Variants in PCNX4 observed in about 807,000 individuals in gnomAD.
PCNX4 encodes pecanex 4.
Under a neutral mutation model 107.2 loss-of-function variants are expected in PCNX4, and 103 were observed. The ratio of observed to expected loss-of-function variants is 0.96; its 90% CI spans 0.82 to 1.13. The LOEUF (loss-of-function observed/expected upper bound fraction) is 1.13, where lower values mean the gene tolerates loss of function less well. Ranked by LOEUF, PCNX4 falls within the 50% of genes most tolerant of loss-of-function variation. The pLI, the probability that PCNX4 is intolerant of heterozygous loss-of-function variation, is 0.00. For missense variants in PCNX4, 1,528 were observed against 1,379.4 expected (o/e 1.11, Z -1.71); for synonymous variants, 541 against 481.7 (o/e 1.12, Z -1.61).
chr14:60,093,366 T>G (rs529275281), intron 1 of PCNX4, among the ~76,000 whole-genome samples: 1 of 152,296 alleles, frequency 6.6e-6, no homozygotes, highest in East Asian at 1.9e-4. Flanking sequence ...CCCATTATCC[T>G]TACCCCACCA....
intron 4 of PCNX4, 39 bp downstream of exon 4, chr14:60,115,500 A>G: frequency 6.7e-7 from 1 of 1,500,110 alleles, no homozygotes; most frequent in Non-Finnish European, 8.8e-7. Flanking sequence ...GTTACAAATC[A>G]TATCCTGGAA....
intron 2 of PCNX4, among the ~76,000 whole-genome samples, chr14:60,113,626 C>A (rs1412423617): frequency 6.6e-6 from 1 of 152,124 alleles, no homozygotes; most frequent in Non-Finnish European, 1.5e-5. Context: ...GCCTTGGCCT[C>A]CCAAAGTGCT....
chr14:60,121,571 G>A (rs970493847), intron 8 of PCNX4, among the ~76,000 whole-genome samples: 24 of 142,852 alleles, frequency 1.7e-4, no homozygotes, highest in African/African-American at 6.4e-4. Flanking sequence ...CATCTCAAAA[G>A]TGTGAATCAG....
At chr14:60,131,831 G>T (rs1296529819) in intron 10 of PCNX4, among the ~76,000 whole-genome samples, 1 of 152,162 alleles carries the variant, frequency 6.6e-6, no homozygotes, top group African/African-American at 2.4e-5. Flanking sequence ...TATGGTACTG[G>T]CATAATGATA....
At chr14:60,128,468 A>C (rs781216733) in intron 10 of PCNX4, among the ~76,000 whole-genome samples, 1 of 152,168 alleles carries the variant, frequency 6.6e-6, no homozygotes, top group Non-Finnish European at 1.5e-5. Flanking sequence ...CCAAAACAGA[A>C]AGGTTAACCA....
In PCNX4 at chr14:60,140,371, C is replaced by A. The variant is rs1896293187; in HGVS notation, c.*6150C>A. 1 of 152,130 alleles carries A rather than the reference C, an allele frequency of 6.6e-6. No homozygotes were observed. Among genetic ancestry groups the A allele is most frequent in the African/African-American group, 2.4e-5 (1 of 41,430 alleles). The allele number at this position is 152,130 out of a possible 1,614,324, so 9.4% of individuals were successfully genotyped here. On this transcript the variant is annotated 3_prime_UTR_variant, in exon 11 of 11. Transcript: ENST00000406854. The surrounding 1 kb of genome is among the most constrained non-coding windows in gnomAD (Gnocchi z 4.2). ...ACCTATAGTTACTTTATTTGCTTTTCCATAGTGAAACAACAAGCCTAGATG... is the reference window on the plus strand; with the variant it reads ...ACCTATAGTTACTTTATTTGCTTTTACATAGTGAAACAACAAGCCTAGATG...
In PCNX4 at chr14:60,128,034, T is replaced by C. The variant is rs73310173; in HGVS notation, c.3267+2211T>C. On this transcript the variant is annotated intron_variant, in intron 10 of 10. Coordinates refer to ENST00000406854, the MANE Select transcript of PCNX4 (RefSeq NM_001330177.2). ...AGTGAACTTGAAGATTCTAGATCAA[T>C]AGAGATTATGCAATCCAAAGAAGAG... Among the ~76,000 whole-genome samples, 443 of 152,090 alleles carry C rather than the reference T, an allele frequency of 2.9e-3. 3 individuals are homozygous for C. Among genetic ancestry groups the C allele is most frequent in the African/African-American group, 0.01 (424 of 41,486 alleles).
Position 60,118,399 on chromosome 14 carries a change from C to A in PCNX4, c.1649C>A (p.Thr550Lys). 1 of 1,613,326 alleles carries A rather than the reference C, an allele frequency of 6.2e-7. No individual in the cohort carries two copies. Among genetic ancestry groups the A allele is most frequent in the African/African-American group, 1.3e-5 (1 of 75,024 alleles). Reference protein sequence around the residue: ...KLQFAVTVLLTSWTEKKQRRK... With the variant: ...KLQFAVTVLLKSWTEKKQRRK... ...CAGTTTGCCGTGACTGTGCTTTTGA[C>A]ATCATGGACAGAGAAAAAACAACGT... The change falls in exon 7 of 11, where the codon ACA becomes AAA. Residue 550 changes from threonine to lysine, a missense_variant. Thr to Lys is a moderately conservative substitution (Grantham distance 78). Coordinates refer to ENST00000406854, the MANE Select transcript of PCNX4 (RefSeq NM_001330177.2).
At position 60,118,585 on chromosome 14, in the gene PCNX4, G is replaced by A. The variant is rs1489450540; in HGVS notation, c.1835G>A (p.Gly612Glu). The change falls in exon 7 of 11, where the codon GGA becomes GAA. Residue 612 changes from glycine (G) to glutamate (E), a missense_variant. Coordinates refer to ENST00000406854, the MANE Select transcript of PCNX4 (RefSeq NM_001330177.2). Reference protein sequence around the residue: ...GFPRPIQSWPGAAGTTACVCA... With the variant: ...GFPRPIQSWPEAAGTTACVCA... The stretch of plus-strand genomic sequence containing the variant: ...CCCCGACCTATTCAGAGTTGGCCAG[G>A]AGCAGCAGGCACCACAGCCTGTGTG... The A allele has an allele frequency of 6.2e-7, 1 of 1,613,584 alleles. No homozygotes were observed. Among genetic ancestry groups the A allele is most frequent in the Admixed American group, 1.7e-5 (1 of 59,886 alleles).
chr14:60,103,823 T>A (rs1895578562), intron 1 of PCNX4, among the ~76,000 whole-genome samples: 1 of 152,226 alleles, frequency 6.6e-6, no homozygotes, highest in Non-Finnish European at 1.5e-5. Context: ...ACAGCCATAT[T>A]TCTCCCTTAG....
At chr14:60,093,605 T>G (rs1260888136) in intron 1 of PCNX4, among the ~76,000 whole-genome samples, 4 of 152,248 alleles carry the variant, frequency 2.6e-5, no homozygotes, top group African/African-American at 9.6e-5. Flanking sequence ...ACATTTGGGT[T>G]GTTTTCATTT....
chr14:60,110,100 A>G (rs1895712699), intron 2 of PCNX4: 1 of 167,124 alleles, frequency 6.0e-6, no homozygotes, highest in African/African-American at 2.4e-5. Flanking sequence ...AGAGAACACC[A>G]AAAGTGTGGG....
At chr14:60,095,092 G>A (rs1246931157) in intron 1 of PCNX4, among the ~76,000 whole-genome samples, 2 of 152,084 alleles carry the variant, frequency 1.3e-5, no homozygotes, top group East Asian at 1.9e-4. Context: ...AGTTAAGGAC[G>A]TGCCCGGGAG....
chr14:60,096,755 C>T (rs1363592851), intron 1 of PCNX4, among the ~76,000 whole-genome samples: 1 of 152,150 alleles, frequency 6.6e-6, no homozygotes. Flanking sequence ...GACATAGGTC[C>T]TTGGTGTGAT....
chr14:60,098,125 A>T (rs778368320), intron 1 of PCNX4, among the ~76,000 whole-genome samples: 1 of 152,192 alleles, frequency 6.6e-6, no homozygotes, highest in Non-Finnish European at 1.5e-5. Context: ...GACCAGAAAC[A>T]TTCGAAACCC....
chr14:60,105,953 C>T (rs1450208708), intron 1 of PCNX4, among the ~76,000 whole-genome samples: 1 of 152,164 alleles, frequency 6.6e-6, no homozygotes, highest in Non-Finnish European at 1.5e-5. Context: ...CCATAGATAA[C>T]TTGTGTCAGA....
At chr14:60,122,392 C>T (rs964590976) in intron 8 of PCNX4, among the ~76,000 whole-genome samples, 1 of 152,048 alleles carries the variant, frequency 6.6e-6, no homozygotes, top group Non-Finnish European at 1.5e-5. Flanking sequence ...GCCTTTATTG[C>T]TTTAACCCTC....
intron 8 of PCNX4, among the ~76,000 whole-genome samples, chr14:60,121,766 C>G (rs1053986925): frequency 2.0e-5 from 3 of 152,114 alleles, no homozygotes; most frequent in South Asian, 2.1e-4. Flanking sequence ...TCAACTTACT[C>G]TAGGTTTTTG....
Position 60,134,118 on chromosome 14 carries a change from A to C in PCNX4, c.3416A>C (p.Gln1139Pro). The change falls in exon 11 of 11, where the codon CAA becomes CCA. Residue 1139 changes from glutamine to proline, a missense_variant. Transcript: ENST00000406854. Reference protein sequence around the residue: ...TNDDEERYSIQAHPLLLRNLT... With the variant: ...TNDDEERYSIPAHPLLLRNLT... ...GATGATGAAGAACGTTATAGTATAC[A>C]AGCTCATCCACTACTTTTAAGAAAT... is the stretch of plus-strand genomic sequence containing the variant. 6.2e-7 allele frequency: 1 copy of C among 1,613,902 alleles called. No homozygotes were observed. Among genetic ancestry groups the C allele is most frequent in the Non-Finnish European group, 8.5e-7 (1 of 1,179,808 alleles).
Sources: allele counts gnomAD v4.1 joint callset (sites outside exome capture counted in the v4.1 genomes callset), GRCh38; gene constraint gnomAD v4.1.1; non-coding constraint Gnocchi (gnomAD v3.1); transcripts MANE v1.5; gene names NCBI Gene and HGNC (gene_info 2026-07-23, HGNC 2026-07-21).